C14orf132: variants seen among roughly 807,000 people sequenced by gnomAD.
C14orf132 encodes the protein uncharacterized protein C14orf132.
A neutral mutation model predicts 5.8 loss-of-function variants in C14orf132; 6 were observed. The observed-to-expected ratio is 1.03, with a 90% CI of 0.57 to 2.04. The LOEUF (loss-of-function observed/expected upper bound fraction) is 2.04. C14orf132 is among the 30% of genes most tolerant of loss of function. The pLI, the probability that C14orf132 is intolerant of heterozygous loss-of-function variation, is 0.00. For synonymous variants in C14orf132, 51 were observed against 49.8 expected, an observed-to-expected ratio of 1.02 and a Z score of -0.10; for missense variants, 125 against 115.8, an observed-to-expected ratio of 1.08 and a Z score of -0.37.
At position 96,039,561 on chromosome 14, in the gene C14orf132, G is replaced by C; in HGVS notation, c.27+34G>C. 1 of 1,493,508 alleles carries C rather than the reference G, an allele frequency of 6.7e-7. No homozygotes were observed. The highest frequency in any genetic ancestry group is 2.7e-5 in the East Asian group (1 of 36,686). 92.5% of individuals were successfully genotyped at this position (1,493,508 alleles called of 1,614,324 possible). On this transcript the variant is annotated intron_variant, in intron 1 of 1. Transcript: ENST00000555004. This position sits in a 1 kb window ranked among gnomAD's most constrained non-coding sequence, Gnocchi z 5.3. ...GCGTCCCCCCCACGCGCCCCGGGCC[G>C]CCAAGTTTGGGGAGGTTCGGGGCCA...
At position 96,056,385 on chromosome 14, in the gene C14orf132, G is replaced by A. The variant is rs188156566; in HGVS notation, c.27+16858G>A. Among the ~76,000 whole-genome samples, 63 of 152,324 alleles carry A rather than the reference G, an allele frequency of 4.1e-4. 1 individual carries two copies. The highest frequency in any genetic ancestry group is 1.5e-3 in the African/African-American group (62 of 41,574). On this transcript the variant is annotated intron_variant, in intron 1 of 1. Transcript: ENST00000555004. ...TGACAATACTGCTCTCACATTGTGC[G>A]ACCTTAGGGAGAGGAGAGTGGTGAG...
rs1002044363 is a variant in C14orf132, at chr14:96,092,032, G to T, written c.*5297G>T. 2 of 152,200 alleles carry T rather than the reference G, an allele frequency of 1.3e-5. No individual in the cohort carries two copies. Among genetic ancestry groups the T allele is most frequent in the African/African-American group, 4.8e-5 (2 of 41,434 alleles). 9.4% of individuals were successfully genotyped at this position (152,200 alleles called of 1,614,324 possible). A position where few individuals can be genotyped will look rare whatever the true frequency, so the allele number is the denominator to read the frequency against. On this transcript the variant is annotated 3_prime_UTR_variant, in exon 2 of 2. Transcript: ENST00000555004. The stretch of plus-strand genomic sequence containing the variant: ...TGAAGACGATCAAAGACTCCCTGGA[G>T]CGAGAAAACAGTTACTGCCAGAAGC...
At position 96,090,103 on chromosome 14, in the gene C14orf132, T is replaced by A. The variant is rs188110039; in HGVS notation, c.*3368T>A. On this transcript the variant is annotated 3_prime_UTR_variant, in exon 2 of 2. Transcript: ENST00000555004. Reference sequence around the variant, plus strand: ...GCTCCTCTACAAGCAATTAGGTGATTCAAAAGAGCAACTTAGGCTGGGTGC... The same window carrying A: ...GCTCCTCTACAAGCAATTAGGTGATACAAAAGAGCAACTTAGGCTGGGTGC... 134 of 155,776 alleles carry A rather than the reference T, an allele frequency of 8.6e-4. No individual in the cohort carries two copies. The highest frequency in any genetic ancestry group is 2.1e-3 in the Admixed American group (33 of 15,674). 9.6% of individuals were successfully genotyped at this position (155,776 alleles called of 1,614,324 possible).
chr14:96,074,057 A>T (rs755606358), intron 1 of C14orf132, among the ~76,000 whole-genome samples: 1 of 152,212 alleles, frequency 6.6e-6, no homozygotes, highest in African/African-American at 2.4e-5. Flanking sequence ...AGCATCAGAA[A>T]GAATAGCTAA....
chr14:96,062,074 C>A (rs1211311712), intron 1 of C14orf132, among the ~76,000 whole-genome samples: 1 of 152,148 alleles, frequency 6.6e-6, no homozygotes, highest in Non-Finnish European at 1.5e-5. Flanking sequence ...TGAGGATAAA[C>A]CCTCTATCCA....
intron 1 of C14orf132, among the ~76,000 whole-genome samples, chr14:96,040,620 G>C (rs529168422): frequency 1.4e-4 from 21 of 152,304 alleles, no homozygotes; most frequent in African/African-American, 4.8e-4. Flanking sequence ...TGTGTGGACA[G>C]CGAGTCTGCA....
chr14:96,075,381 G>A (rs983216924), intron 1 of C14orf132, among the ~76,000 whole-genome samples: 2 of 152,028 alleles, frequency 1.3e-5, no homozygotes, highest in African/African-American at 4.8e-5. Flanking sequence ...TATATATAAG[G>A]CATCTCTATA....
At position 96,089,266 on chromosome 14, in the gene C14orf132, C is replaced by T. The variant is rs1888306012; in HGVS notation, c.*2531C>T. 6.6e-6 allele frequency: 1 copy of T among 152,300 alleles called. No individual in the cohort carries two copies. Among genetic ancestry groups the T allele is most frequent in the Non-Finnish European group, 1.5e-5 (1 of 68,102 alleles). 9.4% of individuals were successfully genotyped at this position (152,300 alleles called of 1,614,324 possible). On this transcript the variant is annotated 3_prime_UTR_variant, in exon 2 of 2. Coordinates refer to ENST00000555004, the MANE Select transcript of C14orf132 (RefSeq NM_001252507.3). ...AAGGGGAAAAAGATGCCGGTCCTCA[C>T]TGCTTAAGTTTTGTGTCCAGGTGCC...
At chr14:96,051,804 G>A (rs1887034806) in intron 1 of C14orf132, among the ~76,000 whole-genome samples, 1 of 152,210 alleles carries the variant, frequency 6.6e-6, no homozygotes, top group South Asian at 2.1e-4. Flanking sequence ...GGCTGTGTTG[G>A]GGAATGTGGA....
In C14orf132 at chr14:96,091,127, A is replaced by G. The variant is rs1888392073; in HGVS notation, c.*4392A>G. ...CAGGGCTGAACGCTCACAGCTAAGGAGCTGTGATTCAGACCCAGTTCTGTC... is the reference window on the plus strand; with the variant it reads ...CAGGGCTGAACGCTCACAGCTAAGGGGCTGTGATTCAGACCCAGTTCTGTC... On this transcript the variant is annotated 3_prime_UTR_variant, in exon 2 of 2. Coordinates refer to ENST00000555004, the MANE Select transcript of C14orf132 (RefSeq NM_001252507.3). 2.4e-6 allele frequency: 1 copy of G among 412,724 alleles called. No homozygotes were observed. The highest frequency in any genetic ancestry group is 2.0e-5 in the African/African-American group (1 of 49,022). 25.6% of individuals were successfully genotyped at this position (412,724 alleles called of 1,614,324 possible). A position where few individuals can be genotyped will look rare whatever the true frequency, so the allele number is the denominator to read the frequency against.
intron 1 of C14orf132, among the ~76,000 whole-genome samples, chr14:96,050,484 G>A (rs1595170111): frequency 6.6e-6 from 1 of 151,944 alleles, no homozygotes; most frequent in Non-Finnish European, 1.5e-5. Context: ...AATTTTTTGG[G>A]TGATTCTTTC....
At chr14:96,064,363 T>TATAC (rs1555385083) in intron 1 of C14orf132, among the ~76,000 whole-genome samples, 163 of 135,868 alleles carry the variant, frequency 1.2e-3, no homozygotes, top group African/African-American at 4.3e-3. Flanking sequence ...GGTGCATATA[T>TATAC]ACACACACAC....
chr14:96,043,247 C>CACTT (rs1057282642), intron 1 of C14orf132, among the ~76,000 whole-genome samples: 2 of 152,142 alleles, frequency 1.3e-5, no homozygotes, highest in African/African-American at 4.8e-5. Flanking sequence ...TTGGGATGCT[C>CACTT]ACTTGCTCCA....
In C14orf132 at chr14:96,039,449, C is replaced by T; in HGVS notation, c.-52C>T. ...CCCGCCAACTGTGCAGGCGGCTGAC[C>T]CGCAGCGGCAGCGGCAGCAGCGAGG... On this transcript the variant is annotated 5_prime_UTR_variant, in exon 1 of 2. Coordinates refer to ENST00000555004, the MANE Select transcript of C14orf132 (RefSeq NM_001252507.3). The surrounding 1 kb of genome is among the most constrained non-coding windows in gnomAD (Gnocchi z 5.3). 6.8e-7 allele frequency: 1 copy of T among 1,475,348 alleles called. No individual in the cohort carries two copies. 91.4% of individuals were successfully genotyped at this position (1,475,348 alleles called of 1,614,324 possible).
intron 1 of C14orf132, among the ~76,000 whole-genome samples, chr14:96,071,498 T>C (rs1887705978): frequency 6.6e-6 from 1 of 152,194 alleles, no homozygotes; most frequent in Admixed American, 6.5e-5. Flanking sequence ...TTCTCCACTT[T>C]CCCTGGATTT....
intron 1 of C14orf132, among the ~76,000 whole-genome samples, chr14:96,070,205 G>C (rs1887663519): frequency 6.6e-6 from 1 of 152,182 alleles, no homozygotes; most frequent in Admixed American, 6.5e-5. Flanking sequence ...GTGCCCCTTG[G>C]AATTGTCCCT....
intron 1 of C14orf132, among the ~76,000 whole-genome samples, chr14:96,059,824 TCTCCTGCTGAGGGTCTTCTGTGGCTTC>T (rs1887294007): frequency 6.6e-6 from 1 of 152,204 alleles, no homozygotes; most frequent in Non-Finnish European, 1.5e-5. Context: ...GAGGGAGCTT[TCTCCTGCTGAGGGTCTTCTGTGGCTTC>T]CTCCATCCAT....
intron 1 of C14orf132, among the ~76,000 whole-genome samples, chr14:96,076,686 G>A (rs1040527063): frequency 1.1e-4 from 16 of 152,188 alleles, no homozygotes; most frequent in African/African-American, 3.6e-4. Context: ...GCCACATTCT[G>A]TCCTGGGATG....
chr14:96,059,932 G>A (rs1052149674), intron 1 of C14orf132, among the ~76,000 whole-genome samples: 4 of 152,208 alleles, frequency 2.6e-5, no homozygotes, highest in Non-Finnish European at 2.9e-5. Context: ...GCCTGGGCCC[G>A]AAATGCATCT....
Sources: gnomAD v4.1 joint callset for allele counts (sites outside exome capture counted in the v4.1 genomes callset) on GRCh38, gnomAD v4.1.1 for gene constraint, Gnocchi (gnomAD v3.1) non-coding constraint, MANE v1.5 for transcripts, NCBI Gene and HGNC (gene_info 2026-07-23, HGNC 2026-07-21) for gene names.